Variants in DPP6 observed in about 807,000 individuals in gnomAD.
DPP6 encodes A-type potassium channel modulatory protein DPP6.
DPP6 carries 69 observed loss-of-function variants against 122.6 expected under a neutral mutation model. The ratio of observed to expected loss-of-function variants is 0.56; its 90% CI spans 0.46 to 0.69. DPP6 has a LOEUF of 0.69. Among genes scored for constraint, DPP6 ranks in the 30% least tolerant of loss-of-function variants. The pLI, the probability that DPP6 is intolerant of heterozygous loss-of-function variation, is 0.00. For missense variants in DPP6, 928 were observed against 1,116.9 expected (o/e 0.83, Z 2.41); for synonymous variants, 418 against 433.1 (o/e 0.97, Z 0.43).
chr7:154,373,433 G>A (rs906932611), intron 1 of DPP6, among the ~76,000 whole-genome samples: 2 of 152,160 alleles, frequency 1.3e-5, no homozygotes, highest in Admixed American at 6.5e-5. Flanking sequence ...CTCTGTGAAC[G>A]GGCTCCTGGC....
chr7:153,921,554 G>C (rs902922304), intron 1 of DPP6, among the ~76,000 whole-genome samples: 2 of 152,226 alleles, frequency 1.3e-5, no homozygotes, highest in African/African-American at 4.8e-5. Flanking sequence ...ATCCAGTAAA[G>C]TGTGTGACGT....
At chr7:154,107,639 C>T (rs561778703) in intron 1 of DPP6, among the ~76,000 whole-genome samples, 23 of 152,320 alleles carry the variant, frequency 1.5e-4, no homozygotes, top group African/African-American at 4.1e-4. Context: ...ATAAGCATTC[C>T]ATATGTGTAT....
At chr7:154,887,858 C>G in intron 23 of DPP6, 124 bp downstream of exon 23, 1 of 1,114,842 alleles carries the variant, frequency 9.0e-7, no homozygotes, top group South Asian at 1.2e-5. Context: ...CTCACCAGCA[C>G]CAAAGCCCAC....
intron 1 of DPP6, among the ~76,000 whole-genome samples, chr7:154,166,684 G>A (rs1332664056): frequency 7.0e-6 from 1 of 142,480 alleles, no homozygotes; most frequent in Non-Finnish European, 1.5e-5. Context: ...GCTGAGGCAG[G>A]TGGATCACCT....
chr7:154,404,762 G>A (rs889220487), intron 1 of DPP6, among the ~76,000 whole-genome samples: 3 of 152,118 alleles, frequency 2.0e-5, no homozygotes, highest in Admixed American at 2.0e-4. Flanking sequence ...AAAGTGTTCT[G>A]GAGAGGAAAT....
the DPP6 span, among the ~76,000 whole-genome samples, chr7:153,808,658 A>C: frequency 1.3e-5 from 2 of 152,024 alleles, no homozygotes; most frequent in African/African-American, 4.8e-5. Context: ...AAGATCATGC[A>C]GTGTTTATCT....
At chr7:154,087,517 G>A (rs1354488619) in intron 1 of DPP6, among the ~76,000 whole-genome samples, 1 of 152,210 alleles carries the variant, frequency 6.6e-6, no homozygotes, top group South Asian at 2.1e-4. Context: ...TTAGCCGCAG[G>A]CCAGGGACCT....
At chr7:154,573,262 T>C (rs1831245095) in intron 5 of DPP6, among the ~76,000 whole-genome samples, 1 of 152,150 alleles carries the variant, frequency 6.6e-6, no homozygotes. Flanking sequence ...GCTATCAGAA[T>C]TGCAGGGAGC....
chr7:153,850,043 A>C, the DPP6 span, among the ~76,000 whole-genome samples: 1 of 151,968 alleles, frequency 6.6e-6, no homozygotes, highest in South Asian at 2.1e-4. Context: ...CTTTCCAGTT[A>C]CTCATTTTTC....
chr7:154,144,732 A>T (rs1796007609), intron 1 of DPP6, among the ~76,000 whole-genome samples: 1 of 152,242 alleles, frequency 6.6e-6, no homozygotes, highest in East Asian at 1.9e-4. Flanking sequence ...GGGTTACATG[A>T]TGTCATAAGG....
At chr7:153,912,840 C>G (rs1290836852) in intron 1 of DPP6, among the ~76,000 whole-genome samples, 2 of 152,126 alleles carry the variant, frequency 1.3e-5, no homozygotes, top group African/African-American at 4.8e-5. Context: ...ATCTCTTTGG[C>G]CTCCTCATTA....
intron 21 of DPP6, chr7:154,885,094 G>C (rs1563326874): frequency 1.3e-5 from 2 of 153,084 alleles, no homozygotes; most frequent in Admixed American, 6.5e-5. Flanking sequence ...GTTGCAGTAC[G>C]GCTTCCTCAT....
chr7:154,766,792 A>G (rs1795928043), intron 8 of DPP6, among the ~76,000 whole-genome samples: 1 of 152,206 alleles, frequency 6.6e-6, no homozygotes, highest in South Asian at 2.1e-4. Context: ...CCCAACAAGC[A>G]TGACCCACTT....
intron 16 of DPP6, among the ~76,000 whole-genome samples, chr7:154,828,476 C>T (rs910248273): frequency 2.6e-5 from 4 of 152,158 alleles, no homozygotes; most frequent in Non-Finnish European, 4.4e-5. Flanking sequence ...TTCTCAAAAA[C>T]TTAAAAAGTT....
At chr7:154,153,539 G>A (rs1176617457) in intron 1 of DPP6, among the ~76,000 whole-genome samples, 1 of 152,148 alleles carries the variant, frequency 6.6e-6, no homozygotes, top group African/African-American at 2.4e-5. Context: ...CACATCCATT[G>A]ATAAAGATGG....
chr7:153,874,786 A>G, the DPP6 span, among the ~76,000 whole-genome samples: 1 of 152,242 alleles, frequency 6.6e-6, no homozygotes, highest in Non-Finnish European at 1.5e-5. Context: ...GGATTTAACA[A>G]CCATTTAACA....
At chr7:154,020,772 G>A (rs1798658875) in intron 1 of DPP6, among the ~76,000 whole-genome samples, 1 of 152,162 alleles carries the variant, frequency 6.6e-6, no homozygotes, top group Admixed American at 6.5e-5. Flanking sequence ...AGAGTGAAAG[G>A]AGGAGGATTT....
chr7:153,759,349 C>T, the DPP6 span, among the ~76,000 whole-genome samples: 73,047 of 150,560 alleles, frequency 0.49, 17,995 homozygotes, highest in East Asian at 0.67. Context: ...GACCCAGTCT[C>T]GCTCTGTCAC....
intron 10 of DPP6, among the ~76,000 whole-genome samples, chr7:154,777,936 C>T (rs1379371610): frequency 6.6e-6 from 1 of 152,168 alleles, no homozygotes; most frequent in Admixed American, 6.5e-5. Context: ...ATCCCAAGCA[C>T]CAAGGATTTA....
Sources: gnomAD v4.1 joint callset for allele counts (sites outside exome capture counted in the v4.1 genomes callset) on GRCh38, gnomAD v4.1.1 for gene constraint, MANE v1.5 for transcripts, NCBI Gene and HGNC (gene_info 2026-07-23, HGNC 2026-07-21) for gene names.